Variants in SLC7A14 observed in about 807,000 individuals in gnomAD.
SLC7A14 encodes the protein gamma-aminobutyric acid transporter SLC7A14.
A neutral mutation model predicts 60.2 loss-of-function variants in SLC7A14; 37 were observed. That is an observed-to-expected ratio of 0.61 (90% CI 0.47 to 0.81). The LOEUF (loss-of-function observed/expected upper bound fraction) is 0.81. Among genes scored for constraint, SLC7A14 ranks in the 30% least tolerant of loss-of-function variants. SLC7A14 has a pLI of 0.00. For missense variants in SLC7A14, 886 were observed against 982.7 expected (o/e 0.90, Z 1.32); for synonymous variants, 399 against 395.8 (o/e 1.01, Z -0.10).
intron 1 of SLC7A14, among the ~76,000 whole-genome samples, chr3:170,534,554 T>C (rs181455493): frequency 2.6e-5 from 4 of 152,322 alleles, no homozygotes; most frequent in Admixed American, 2.6e-4. Context: ...AAAGCAATTA[T>C]ATTTTTCTTC....
At chr3:170,581,609 G>C (rs746194875) in intron 1 of SLC7A14, among the ~76,000 whole-genome samples, 2 of 152,108 alleles carry the variant, frequency 1.3e-5, no homozygotes, top group Admixed American at 6.5e-5. Context: ...CAAAAATACA[G>C]TCATATCAGA....
intron 7 of SLC7A14, among the ~76,000 whole-genome samples, chr3:170,470,966 T>C (rs1438161867): frequency 1.3e-5 from 2 of 152,180 alleles, no homozygotes; most frequent in Non-Finnish European, 2.9e-5. Context: ...TCACAAAGCA[T>C]TTCTGTGTGC....
chr3:170,498,013 G>A (rs1404183779), intron 4 of SLC7A14, among the ~76,000 whole-genome samples: 1 of 152,204 alleles, frequency 6.6e-6, no homozygotes, highest in Non-Finnish European at 1.5e-5. Flanking sequence ...GACCTCAGTA[G>A]GACTCTCCTC....
intron 1 of SLC7A14, among the ~76,000 whole-genome samples, chr3:170,572,060 CA>C (rs765897392): frequency 0.039 from 3,148 of 80,690 alleles, 67 homozygotes; most frequent in African/African-American, 0.13. Context: ...GACTCTGTCT[CA>C]AAAAAAAAAA....
intron 1 of SLC7A14, among the ~76,000 whole-genome samples, chr3:170,544,694 G>A (rs1354873451): frequency 6.6e-6 from 1 of 152,226 alleles, no homozygotes; most frequent in Non-Finnish European, 1.5e-5. Flanking sequence ...CACCATAAAA[G>A]TGGAAATGTC....
chr3:170,563,487 G>A (rs377268060), intron 1 of SLC7A14, among the ~76,000 whole-genome samples: 5 of 146,810 alleles, frequency 3.4e-5, no homozygotes, highest in Admixed American at 1.4e-4. Flanking sequence ...GTGCGATCTC[G>A]GCTCACTGCA....
chr3:170,467,331 T>G lies in SLC7A14; in HGVS notation c.2040A>C (p.Glu680Asp), dbSNP rs762466382. The G allele has an allele frequency of 3.7e-6, 6 of 1,612,944 alleles. No homozygotes were observed. The East Asian group carries it at 1.1e-4, about 30-fold the overall frequency. ...FGYGIWNSTL[E>D]ISAREEALHQ... ...GCAGGGCCTCTTCTCGAGCGCTGAT[T>G]TCCAGGGTGCTGTTCCAGATGCCAT... The change falls in exon 8 of 8, where the codon GAA becomes GAC. Residue 680 changes from glutamate to aspartate, a missense_variant. Glu to Asp is a conservative substitution (Grantham distance 45). Transcript: ENST00000231706.
Position 170,545,071 on chromosome 3 carries a change from T to C in SLC7A14, c.-152-17983A>G, listed in dbSNP as rs188230368. Among the ~76,000 whole-genome samples the C allele has an allele frequency of 1.4e-4, 21 of 152,364 alleles. No homozygotes were observed. In the East Asian group the frequency reaches 3.7e-3, roughly 27 times the overall value. On this transcript the variant is annotated intron_variant, in intron 1 of 7. Coordinates refer to ENST00000231706, the MANE Select transcript of SLC7A14 (RefSeq NM_020949.3). ...TAATTTTAATTAATTTGAATTTAAA[T>C]AGTCACATGTGGCCAGTGGCTATTA...
At chr3:170,503,907 A>G (rs1712688408) in intron 2 of SLC7A14, among the ~76,000 whole-genome samples, 1 of 152,220 alleles carries the variant, frequency 6.6e-6, no homozygotes, top group South Asian at 2.1e-4. Context: ...TGTGCATGGT[A>G]TAAGGAGCAT....
At chr3:170,519,419 C>T (rs1713274600) in intron 2 of SLC7A14, among the ~76,000 whole-genome samples, 1 of 152,094 alleles carries the variant, frequency 6.6e-6, no homozygotes, top group Non-Finnish European at 1.5e-5. Flanking sequence ...GGCCAGATGT[C>T]CAAGTTTAGG....
intron 1 of SLC7A14, among the ~76,000 whole-genome samples, chr3:170,533,404 A>C (rs1713738464): frequency 6.6e-6 from 1 of 152,202 alleles, no homozygotes; most frequent in African/African-American, 2.4e-5. Flanking sequence ...TATACAGATT[A>C]GAGTTAATCT....
chr3:170,471,090 G>GT (rs1553864202), intron 7 of SLC7A14, among the ~76,000 whole-genome samples: 5 of 146,452 alleles, frequency 3.4e-5, no homozygotes, highest in African/African-American at 1.3e-4. Flanking sequence ...TCTGGGAAGG[G>GT]GTGTGTGTGT....
intron 1 of SLC7A14, among the ~76,000 whole-genome samples, chr3:170,548,205 A>G (rs900595243): frequency 6.6e-6 from 1 of 152,212 alleles, no homozygotes; most frequent in Non-Finnish European, 1.5e-5. Context: ...AGTGCCTTAT[A>G]TGTGCTGGGA....
At chr3:170,526,192 AG>A (rs1713491236) in intron 2 of SLC7A14, among the ~76,000 whole-genome samples, 2 of 152,240 alleles carry the variant, frequency 1.3e-5, no homozygotes, top group South Asian at 4.1e-4. Flanking sequence ...AGTTGAGGTC[AG>A]GAGTTTGAGA....
intron 7 of SLC7A14, among the ~76,000 whole-genome samples, chr3:170,472,146 A>T (rs1188739612): frequency 2.0e-5 from 3 of 150,472 alleles, no homozygotes; most frequent in Non-Finnish European, 4.4e-5. Context: ...AGACAGGTGG[A>T]TCACCTGAGG....
intron 2 of SLC7A14, among the ~76,000 whole-genome samples, chr3:170,515,340 ATG>A: frequency 6.8e-6 from 1 of 147,750 alleles, no homozygotes; most frequent in East Asian, 1.9e-4. Context: ...ATATATATAT[ATG>A]TATATATATA....
chr3:170,509,886 C>A (rs1712912965), intron 2 of SLC7A14, among the ~76,000 whole-genome samples: 1 of 151,828 alleles, frequency 6.6e-6, no homozygotes, highest in South Asian at 2.1e-4. Flanking sequence ...CGAGACCAGC[C>A]TGACCAACAT....
rs1224635635 is a variant in SLC7A14 at position 170,480,580 on chromosome 3, A to C, written c.1702T>G (p.Cys568Gly). ...TAATGHTVTICVLLLFILMFI... is the reference protein window; with the variant it reads ...TAATGHTVTIGVLLLFILMFI... ...ATGAGGATGAAGAGCAGGAGCACGCAGATGGTCACCGTGTGCCCCGTCGCT... is the reference window on the plus strand; with the variant it reads ...ATGAGGATGAAGAGCAGGAGCACGCCGATGGTCACCGTGTGCCCCGTCGCT... The change falls in exon 7 of 8, where the codon TGC (cysteine) becomes GGC (glycine). Residue 568 changes from cysteine (C) to glycine (G), a missense_variant. Physicochemically the swap from Cys to Gly is radical, Grantham distance 159. Transcript: ENST00000231706. 1.2e-6 allele frequency: 2 copies of C among 1,614,116 alleles called. No individual in the cohort carries two copies. Among genetic ancestry groups the C allele is most frequent in the African/African-American group, 2.7e-5 (2 of 74,938 alleles).
At chr3:170,558,874 G>T (rs1466808646) in intron 1 of SLC7A14, among the ~76,000 whole-genome samples, 1 of 152,182 alleles carries the variant, frequency 6.6e-6, no homozygotes, top group East Asian at 1.9e-4. Flanking sequence ...CTAAGCAGAA[G>T]AGGTGGTCAT....
Sources: allele counts gnomAD v4.1 joint callset (sites outside exome capture counted in the v4.1 genomes callset), GRCh38; gene constraint gnomAD v4.1.1; transcripts MANE v1.5; gene names NCBI Gene and HGNC (gene_info 2026-07-23, HGNC 2026-07-21).